The following CCDC142 variants were observed in gnomAD, a reference collection of about 807,000 sequenced individuals.
The protein encoded by CCDC142 is coiled-coil domain containing 142.
A neutral mutation model predicts 83.8 loss-of-function variants in CCDC142; 67 were observed. The ratio of observed to expected loss-of-function variants is 0.80; its 90% CI spans 0.66 to 0.98. The LOEUF (loss-of-function observed/expected upper bound fraction) is 0.98, where lower values mean the gene tolerates loss of function less well. Among genes scored for constraint, CCDC142 ranks in the 50% least tolerant of loss-of-function variants. CCDC142 has a pLI of 0.00. For synonymous variants in CCDC142, 421 were observed against 421.2 expected, an observed-to-expected ratio of 1.00 and a Z score of 0.01; for missense variants, 905 against 946.8, an observed-to-expected ratio of 0.96 and a Z score of 0.58.
rs1372620299 is a variant in CCDC142 at position 74,482,242 on chromosome 2, G to C, written c.596C>G (p.Ser199Trp). ...AAAGAGCAGCTCGGCGAGTTGGGAC[G>C]ACAGGCCCGGGCTGGCGGGCTCCCG... ...LGREPASPGL[S>W]SQLAELLFAL... Residue 199 changes from serine (S) to tryptophan (W), a missense_variant, in exon 1 of 9, where the codon TCG becomes TGG. Around this residue, in one of 3 missense-constraint regions of CCDC142, gnomAD observed 591 missense variants for 571.4 expected, o/e 1.03. Coordinates refer to ENST00000393965, the MANE Select transcript of CCDC142 (RefSeq NM_001365575.2). This position sits in a 1 kb window ranked among gnomAD's most constrained non-coding sequence, Gnocchi z 5.0. 5 of 1,613,324 alleles carry C rather than the reference G, an allele frequency of 3.1e-6. No homozygotes were observed. Among genetic ancestry groups the C allele is most frequent in the Non-Finnish European group, 3.4e-6 (4 of 1,179,888 alleles).
In CCDC142 at chr2:74,482,657, CCGGCGT is replaced by C; in HGVS notation, c.175_180del (p.Thr59_Pro60del). The stretch of plus-strand genomic sequence containing the variant: ...GCCTCGTAGTCCTCGCTCACATCCG[CCGGCGT>C]CGGCCACCACGGCGTCCCTCCAGAA... On this transcript the variant is annotated inframe_deletion, in exon 1 of 9. Transcript: ENST00000393965. This position sits in a 1 kb window ranked among gnomAD's most constrained non-coding sequence, Gnocchi z 5.0. 1 of 1,611,532 alleles carries C rather than the reference CCGGCGT, an allele frequency of 6.2e-7. No individual in the cohort carries two copies. Among genetic ancestry groups the C allele is most frequent in the Non-Finnish European group, 8.5e-7 (1 of 1,179,924 alleles).
At chr2:74,479,584 T>C (rs553016953) in intron 5 of CCDC142, among the ~76,000 whole-genome samples, 98 of 152,340 alleles carry the variant, frequency 6.4e-4, no homozygotes, top group African/African-American at 2.1e-3. Flanking sequence ...TTTTAAACTA[T>C]AGACATGCAC....
At chr2:74,475,533 G>T in intron 6 of CCDC142, 79 bp downstream of exon 6, 1 of 1,462,218 alleles carries the variant, frequency 6.8e-7, no homozygotes, top group Non-Finnish European at 9.4e-7. Flanking sequence ...AGACAGTGGA[G>T]GGGAACCGGA....
intron 6 of CCDC142, 23 bp downstream of exon 6, chr2:74,475,586 AAGG>A (rs773415456): frequency 2.6e-5 from 41 of 1,585,408 alleles, no homozygotes; most frequent in Non-Finnish European, 3.2e-5. Context: ...GGAACTCTGG[AAGG>A]AGAAGCTGGG....
Position 74,472,967 on chromosome 2 carries a change from T to G in CCDC142, c.*1579A>C. ...ACCTCTTTGCACGAAAATACGCCCG[T>G]TTTCTGCAGCCTTTCCCCTTCTGTA... On this transcript the variant is annotated 3_prime_UTR_variant, in exon 9 of 9. Coordinates refer to ENST00000393965, the MANE Select transcript of CCDC142 (RefSeq NM_001365575.2). The G allele has an allele frequency of 2.3e-6, 1 of 440,672 alleles. No homozygotes were observed. Among genetic ancestry groups the G allele is most frequent in the Non-Finnish European group, 4.2e-6 (1 of 239,622 alleles). 27.3% of individuals were successfully genotyped at this position (440,672 alleles called of 1,614,324 possible). A position where few individuals can be genotyped will look rare whatever the true frequency, so the allele number is the denominator to read the frequency against.
chr2:74,477,612 C>T (rs1572929847), intron 5 of CCDC142, among the ~76,000 whole-genome samples: 1 of 152,290 alleles, frequency 6.6e-6, no homozygotes, highest in Non-Finnish European at 1.5e-5. Flanking sequence ...TCCAGTAACC[C>T]CAGCCACTCC....
Position 74,481,943 on chromosome 2 carries a change from CAGCCCCTCCG to C in CCDC142, c.885_894del (p.Gly297ProfsTer20), listed in dbSNP as rs749714787. 2.5e-6 allele frequency: 4 copies of C among 1,614,162 alleles called. No homozygotes were observed. Among genetic ancestry groups the C allele is most frequent in the South Asian group, 2.2e-5 (2 of 91,080 alleles). ...GTCCAGTATTGGCTCCACAAGGCCCCAGCCCCTCCGAGCCCTAGTCCACAGCTGGCTGAAC... is the reference window on the plus strand; with the variant it reads ...GTCCAGTATTGGCTCCACAAGGCCCCAGCCCTAGTCCACAGCTGGCTGAAC... On this transcript the variant is annotated frameshift_variant, in exon 1 of 9. Transcript: ENST00000393965. LOFTEE classifies it high-confidence loss of function.
Position 74,481,554 on chromosome 2 carries a change from A to G in CCDC142, c.1022-16T>C. The G allele has an allele frequency of 6.2e-7, 1 of 1,612,150 alleles. No homozygotes were observed. Among genetic ancestry groups the G allele is most frequent in the East Asian group, 2.2e-5 (1 of 44,866 alleles). On this transcript the variant is annotated splice_polypyrimidine_tract_variant and intron_variant, in intron 1 of 8. Coordinates refer to ENST00000393965, the MANE Select transcript of CCDC142 (RefSeq NM_001365575.2). ...GGCAGGGATGCTAGTGGGAGAAATGACTCTGGGGCCTGAAAACAAGGTCTC... is the reference window on the plus strand; with the variant it reads ...GGCAGGGATGCTAGTGGGAGAAATGGCTCTGGGGCCTGAAAACAAGGTCTC...
intron 5 of CCDC142, among the ~76,000 whole-genome samples, chr2:74,478,742 A>G (rs1373414421): frequency 6.6e-6 from 1 of 150,696 alleles, no homozygotes; most frequent in Non-Finnish European, 1.5e-5. Flanking sequence ...GTAGCTGGGC[A>G]TTGGCCGGGT....
Position 74,473,671 on chromosome 2 carries a change from A to G in CCDC142, c.*875T>C, listed in dbSNP as rs1312771795. 6.6e-6 allele frequency: 1 copy of G among 152,126 alleles called. No individual in the cohort carries two copies. Among genetic ancestry groups the G allele is most frequent in the Non-Finnish European group, 1.5e-5 (1 of 68,084 alleles). The allele number at this position is 152,126 out of a possible 1,614,324, so 9.4% of individuals were successfully genotyped here. On this transcript the variant is annotated 3_prime_UTR_variant, in exon 9 of 9. Coordinates refer to ENST00000393965, the MANE Select transcript of CCDC142 (RefSeq NM_001365575.2). ...CCTGAGATATCTTCAGTGATGGAGA[A>G]CTAGGCCTGAACCTCCCAAGGGTCT...
chr2:74,474,639 T>C lies in CCDC142; in HGVS notation c.2160A>G (p.Gly720=). 3.1e-6 allele frequency: 5 copies of C among 1,614,214 alleles called. No individual in the cohort carries two copies. The highest frequency in any genetic ancestry group is 4.2e-6 in the Non-Finnish European group (5 of 1,180,040). ...RGPSPEGYLV[G]NQQAWLALRQ... is the part of the protein sequence containing the mutation. ...TGAGGGCAAGCCAGGCCTGCTGATT[T>C]CCCACCAGGTAGCCCTCCGGGCTAG... is the stretch of plus-strand genomic sequence containing the variant. Residue 720 remains glycine, a synonymous_variant, in exon 9 of 9, where the codon GGA becomes GGG. Transcript: ENST00000393965.
At chr2:74,477,156 T>C (rs1558572829) in intron 5 of CCDC142, among the ~76,000 whole-genome samples, 1 of 152,044 alleles carries the variant, frequency 6.6e-6, no homozygotes, top group Non-Finnish European at 1.5e-5. Flanking sequence ...TTCGCTCTTA[T>C]TGCCCAGGCT....
At position 74,482,250 on chromosome 2, in the gene CCDC142, C is replaced by T. The variant is rs778104912; in HGVS notation, c.588G>A (p.Pro196=). 5.1e-5 allele frequency: 83 copies of T among 1,613,026 alleles called. No homozygotes were observed. The South Asian group carries it at 7.5e-4, about 15-fold the overall frequency. ...GCTCGGCGAGTTGGGACGACAGGCC[C>T]GGGCTGGCGGGCTCCCGGCCGAGAG... ...LRALGREPAS[P]GLSSQLAELL... is the part of the protein sequence containing the mutation. The change falls in exon 1 of 9, where the codon CCG becomes CCA. Residue 196 remains proline (P), a synonymous_variant. Coordinates refer to ENST00000393965, the MANE Select transcript of CCDC142 (RefSeq NM_001365575.2). The surrounding 1 kb of genome is among the most constrained non-coding windows in gnomAD (Gnocchi z 5.0).
Position 74,480,758 on chromosome 2 carries a change from CCT to C in CCDC142, c.1503+9_1503+10del. 1 of 1,595,908 alleles carries C rather than the reference CCT, an allele frequency of 6.3e-7. No homozygotes were observed. Among genetic ancestry groups the C allele is most frequent in the Non-Finnish European group, 8.6e-7 (1 of 1,165,012 alleles). ...GTCTTACACTGCCACTGTTGAGGCC[CCT>C]GTTCTCACCTGGATCTGTGCAGTCA... On this transcript the variant is annotated intron_variant, in intron 5 of 8. Coordinates refer to ENST00000393965, the MANE Select transcript of CCDC142 (RefSeq NM_001365575.2).
Position 74,474,808 on chromosome 2 carries a change from A to G in CCDC142, c.1997-6T>C. On this transcript the variant is annotated splice_polypyrimidine_tract_variant and splice_region_variant and intron_variant, in intron 8 of 8. Transcript: ENST00000393965. ...CTGGACCTCCTGACAAGCACCTGGT[A>G]AGGCAGGAGTGGAAGGTAGGTGGCT... The G allele has an allele frequency of 6.2e-7, 1 of 1,604,292 alleles. No individual in the cohort carries two copies. The highest frequency in any genetic ancestry group is 1.7e-5 in the Admixed American group (1 of 59,056).
At chr2:74,477,318 A>C (rs1443496462) in intron 5 of CCDC142, among the ~76,000 whole-genome samples, 1 of 152,122 alleles carries the variant, frequency 6.6e-6, no homozygotes, top group Non-Finnish European at 1.5e-5. Context: ...GGGTTTTACC[A>C]TGTTGGCCAG....
At position 74,481,380 on chromosome 2, in the gene CCDC142, TGA is replaced by T. The variant is rs907820653; in HGVS notation, c.1109-10_1109-9del. 2 of 1,613,684 alleles carry T rather than the reference TGA, an allele frequency of 1.2e-6. No individual in the cohort carries two copies. The highest frequency in any genetic ancestry group is 1.1e-5 in the South Asian group (1 of 91,050). The stretch of plus-strand genomic sequence containing the variant: ...CCAAGGCCTGGCAGAAACCTGAGGA[TGA>T]GAGAGTATAGTGTGGTGGGGAAGCG... On this transcript the variant is annotated splice_polypyrimidine_tract_variant and intron_variant, in intron 2 of 8. Coordinates refer to ENST00000393965, the MANE Select transcript of CCDC142 (RefSeq NM_001365575.2).
chr2:74,481,480 A>C lies in CCDC142; in HGVS notation c.1080T>G (p.His360Gln), dbSNP rs754166527. The C allele has an allele frequency of 1.5e-5, 25 of 1,614,132 alleles. No homozygotes were observed. The highest frequency in any genetic ancestry group is 3.3e-4 in the Middle Eastern group (2 of 6,062). Reference sequence around the variant, plus strand: ...GGTCCCAGCTCCAGATAAGCGACTGATGAAGTAGTCTGTGACACAAAGATG... The same window carrying C: ...GGTCCCAGCTCCAGATAAGCGACTGCTGAAGTAGTCTGTGACACAAAGATG... ...ELASLCHRLL[H>Q]QSLIWSWDQG... Residue 360 changes from histidine (H) to glutamine (Q), a missense_variant, in exon 2 of 9, where the codon CAT becomes CAG. By Grantham distance (24) the His-to-Gln change is conservative (BLOSUM62 0). Transcript: ENST00000393965.
In CCDC142 at chr2:74,472,935, C is replaced by T; in HGVS notation, c.*1611G>A. On this transcript the variant is annotated 3_prime_UTR_variant, in exon 9 of 9. Transcript: ENST00000393965. ...GACGGTGAAAACCATAAATAAATGGCGCAAAAACCTCTTTGCACGAAAATA... is the reference window on the plus strand; with the variant it reads ...GACGGTGAAAACCATAAATAAATGGTGCAAAAACCTCTTTGCACGAAAATA... 1.9e-6 allele frequency: 1 copy of T among 515,998 alleles called. No individual in the cohort carries two copies. The highest frequency in any genetic ancestry group is 3.7e-5 in the East Asian group (1 of 26,984). The allele number at this position is 515,998 out of a possible 1,614,324, so 32.0% of individuals were successfully genotyped here.
Sources: allele counts gnomAD v4.1 joint callset (sites outside exome capture counted in the v4.1 genomes callset), GRCh38; gene constraint gnomAD v4.1.1; regional missense constraint gnomAD v4.1.1; non-coding constraint Gnocchi (gnomAD v3.1); transcripts MANE v1.5; gene names NCBI Gene and HGNC (gene_info 2026-07-23, HGNC 2026-07-21).